LNPEP: variants seen among roughly 807,000 people sequenced by gnomAD.
LNPEP encodes the protein leucyl-cystinyl aminopeptidase.
LNPEP carries 64 observed loss-of-function variants against 120.6 expected under a neutral mutation model. That is an observed-to-expected ratio of 0.53 (90% CI 0.43 to 0.65). The LOEUF (loss-of-function observed/expected upper bound fraction) is 0.65. Among genes scored for constraint, LNPEP ranks in the 30% least tolerant of loss-of-function variants. LNPEP has a pLI of 0.00. For missense variants in LNPEP, 1,057 were observed against 1,200.0 expected (o/e 0.88, Z 1.76); for synonymous variants, 435 against 425.4 (o/e 1.02, Z -0.28).
At position 96,979,701 on chromosome 5, in the gene LNPEP, A is replaced by G. The variant is rs1790080007; in HGVS notation, c.583A>G (p.Thr195Ala). 1 of 1,614,078 alleles carries G rather than the reference A, an allele frequency of 6.2e-7. No individual in the cohort carries two copies. The highest frequency in any genetic ancestry group is 1.7e-5 in the Admixed American group (1 of 59,996). The change falls in exon 2 of 18, where the codon ACA (threonine) becomes GCA (alanine). Residue 195 changes from threonine to alanine, a missense_variant. Coordinates refer to ENST00000231368, the MANE Select transcript of LNPEP (RefSeq NM_005575.3). ...LTSMTFRGSV[T>A]ISVQALQVTW... ...CTCGATGACATTCAGGGGTTCTGTG[A>G]CAATTTCAGTTCAGGCTCTTCAGGT... is the stretch of plus-strand genomic sequence containing the variant.
chr5:96,956,099 AAT>A (rs1789460780), intron 1 of LNPEP, among the ~76,000 whole-genome samples: 1 of 45,882 alleles, frequency 2.2e-5, no homozygotes, highest in South Asian at 6.4e-4. Context: ...TGGCTGTTTA[AAT>A]GTTTAAATCT....
chr5:96,985,067 G>C lies in LNPEP; in HGVS notation c.861-13G>C, dbSNP rs766148293. The C allele has an allele frequency of 1.6e-5, 26 of 1,613,392 alleles. No individual in the cohort carries two copies. In the South Asian group the frequency reaches 2.9e-4, roughly 18 times the overall value. On this transcript the variant is annotated splice_polypyrimidine_tract_variant and intron_variant, in intron 2 of 17. Coordinates refer to ENST00000231368, the MANE Select transcript of LNPEP (RefSeq NM_005575.3). ...GCTCAGTAACTACTGGATTGAATTT[G>C]TGTTTGTTTTAGGTACTTTGCAGCA...
intron 8 of LNPEP, among the ~76,000 whole-genome samples, chr5:97,002,018 A>G (rs546406381): frequency 6.6e-6 from 1 of 152,252 alleles, no homozygotes; most frequent in South Asian, 2.1e-4. Context: ...TGGTGCCTGT[A>G]ATCCCAGCTA....
At chr5:97,007,869 C>G (rs1303739636) in intron 11 of LNPEP, among the ~76,000 whole-genome samples, 1 of 152,148 alleles carries the variant, frequency 6.6e-6, no homozygotes, top group East Asian at 1.9e-4. Context: ...TGATTTGGTA[C>G]ATATAACCAA....
At chr5:96,986,056 C>T (rs1476253528) in intron 3 of LNPEP, among the ~76,000 whole-genome samples, 3 of 152,092 alleles carry the variant, frequency 2.0e-5, no homozygotes, top group Non-Finnish European at 2.9e-5. Context: ...CTGCAGACTT[C>T]TCTAATGACT....
Position 96,936,108 on chromosome 5 carries a change from G to A in LNPEP, c.-48G>A, listed in dbSNP as rs1788854380. On this transcript the variant is annotated 5_prime_UTR_variant, in exon 1 of 18. Coordinates refer to ENST00000231368, the MANE Select transcript of LNPEP (RefSeq NM_005575.3). ...CAGCTGGGCCGCCTCAGCTCTCGGA[G>A]TAGGAAGCTCGGGCGCTCCGGCTGT... The A allele has an allele frequency of 5.9e-6, 9 of 1,515,210 alleles. No individual in the cohort carries two copies. The highest frequency in any genetic ancestry group is 8.0e-6 in the Non-Finnish European group (9 of 1,131,754). The allele number at this position is 1,515,210 out of a possible 1,614,324, so 93.9% of individuals were successfully genotyped here.
chr5:97,025,573 G>A (rs1003999581), intron 15 of LNPEP, among the ~76,000 whole-genome samples: 1 of 152,186 alleles, frequency 6.6e-6, no homozygotes, highest in African/African-American at 2.4e-5. Context: ...TATTTCTCAT[G>A]ATCCTTCACT....
intron 12 of LNPEP, among the ~76,000 whole-genome samples, chr5:97,014,049 T>C (rs1212752513): frequency 6.6e-6 from 1 of 152,140 alleles, no homozygotes; most frequent in East Asian, 1.9e-4. Context: ...TTAATAATAA[T>C]TCAAGACTAG....
chr5:96,986,922 T>C (rs1305647866), intron 4 of LNPEP, among the ~76,000 whole-genome samples: 1 of 152,204 alleles, frequency 6.6e-6, no homozygotes, highest in African/African-American at 2.4e-5. Context: ...ACACTATATG[T>C]ATACTAAAGC....
chr5:96,992,909 A>G (rs1790425844), intron 4 of LNPEP, 106 bp from the exon 5 acceptor site: 1 of 782,100 alleles, frequency 1.3e-6, no homozygotes. Context: ...AGGATCTCAT[A>G]CAATTCTATA....
At position 97,000,967 on chromosome 5, in the gene LNPEP, A is replaced by T. The variant is rs148647786; in HGVS notation, c.1654-2448A>T. Among the ~76,000 whole-genome samples the T allele has an allele frequency of 2.0e-5, 3 of 152,332 alleles. No individual in the cohort carries two copies. In the East Asian group the frequency reaches 5.8e-4, roughly 29 times the overall value. On this transcript the variant is annotated intron_variant, in intron 8 of 17. Coordinates refer to ENST00000231368, the MANE Select transcript of LNPEP (RefSeq NM_005575.3). Reference sequence around the variant, plus strand: ...GTGTTATCTGAAGTAGAGTAAGCAGAGGAGAAAGTAGTAGATGAAGTTAGA... The same window carrying T: ...GTGTTATCTGAAGTAGAGTAAGCAGTGGAGAAAGTAGTAGATGAAGTTAGA...
chr5:96,944,107 C>T (rs958210573), intron 1 of LNPEP, among the ~76,000 whole-genome samples: 3 of 152,206 alleles, frequency 2.0e-5, no homozygotes, highest in Non-Finnish European at 4.4e-5. Context: ...ACAACTGACT[C>T]AGGTGTCATT....
chr5:96,976,675 G>A (rs1790004176), intron 1 of LNPEP, among the ~76,000 whole-genome samples: 1 of 151,814 alleles, frequency 6.6e-6, no homozygotes, highest in South Asian at 2.1e-4. Context: ...AAACACATGG[G>A]GCAAATGCCT....
rs1349605692 is a variant in LNPEP at position 97,036,884 on chromosome 5, CT to C, written c.*8356del. 1 of 151,980 alleles carries C rather than the reference CT, an allele frequency of 6.6e-6. No homozygotes were observed. Among genetic ancestry groups the C allele is most frequent in the Non-Finnish European group, 1.5e-5 (1 of 67,986 alleles). 9.4% of individuals were successfully genotyped at this position (151,980 alleles called of 1,614,324 possible). A position where few individuals can be genotyped will look rare whatever the true frequency, so the allele number is the denominator to read the frequency against. On this transcript the variant is annotated 3_prime_UTR_variant, in exon 18 of 18. Coordinates refer to ENST00000231368, the MANE Select transcript of LNPEP (RefSeq NM_005575.3). Reference sequence around the variant, plus strand: ...TCATAAATAAAAGAAAAAAGGGCACCTTTTTGGAGTTAGTCATGGTAGTCAT... The same window carrying C: ...TCATAAATAAAAGAAAAAAGGGCACCTTTTGGAGTTAGTCATGGTAGTCAT...
chr5:96,968,240 C>T (rs762281521), intron 1 of LNPEP, among the ~76,000 whole-genome samples: 3 of 151,942 alleles, frequency 2.0e-5, no homozygotes, highest in Non-Finnish European at 4.4e-5. Context: ...CCTCCTGTAG[C>T]CTCTGTAGGA....
intron 13 of LNPEP, among the ~76,000 whole-genome samples, chr5:97,020,457 G>C (rs539462602): frequency 6.6e-6 from 1 of 151,572 alleles, no homozygotes; most frequent in African/African-American, 2.4e-5. Flanking sequence ...GGTATCTGTT[G>C]AATTTTTTTC....
chr5:96,989,118 A>T (rs576408715), intron 4 of LNPEP, among the ~76,000 whole-genome samples: 1 of 151,278 alleles, frequency 6.6e-6, no homozygotes, highest in African/African-American at 2.4e-5. Flanking sequence ...AGGAAACAAC[A>T]TGGTTAAACA....
chr5:96,972,023 A>AT (rs778746898), intron 1 of LNPEP, among the ~76,000 whole-genome samples: 9 of 151,932 alleles, frequency 5.9e-5, no homozygotes, highest in Non-Finnish European at 1.3e-4. Flanking sequence ...ATGTCTAGTA[A>AT]TTTTTTATTA....
chr5:96,958,328 G>GT (rs1789518792), intron 1 of LNPEP: 3 of 285,264 alleles, frequency 1.1e-5, no homozygotes, highest in Non-Finnish European at 1.6e-5. Flanking sequence ...GCCTTTTTGA[G>GT]TTTTTCCAGT....
Sources: gnomAD v4.1 joint callset for allele counts (sites outside exome capture counted in the v4.1 genomes callset) on GRCh38, gnomAD v4.1.1 for gene constraint, MANE v1.5 for transcripts, NCBI Gene and HGNC (gene_info 2026-07-23, HGNC 2026-07-21) for gene names.